RAB37: variants seen among roughly 807,000 people sequenced by gnomAD.
The protein encoded by RAB37 is RAB37, member RAS oncogene family.
In RAB37, 29 loss-of-function variants were observed where a neutral mutation model predicts 33.1. The ratio of observed to expected loss-of-function variants is 0.88; its 90% CI spans 0.65 to 1.20. The LOEUF is 1.20. Among genes scored for constraint, RAB37 ranks in the 50% most tolerant of loss-of-function variants. The pLI is 0.00. For missense variants in RAB37, 299 were observed against 301.1 expected (o/e 0.99, Z 0.05); for synonymous variants, 128 against 119.5 (o/e 1.07, Z -0.47).
chr17:74,739,648 G>A (rs981263895), intron 1 of RAB37, among the ~76,000 whole-genome samples: 5 of 146,894 alleles, frequency 3.4e-5, no homozygotes, highest in Admixed American at 7.0e-5. Context: ...TCCTGTCTCC[G>A]CCTCCCAAGT....
rs577166380 is a variant in RAB37, at chr17:74,745,413, T to A, written c.*2T>A. The A allele has an allele frequency of 1.9e-5, 31 of 1,612,026 alleles. No homozygotes were observed. The South Asian group carries it at 3.1e-4, about 16-fold the overall frequency. On this transcript the variant is annotated 3_prime_UTR_variant, in exon 9 of 9. Transcript: ENST00000392613. This position sits in a 1 kb window ranked among gnomAD's most constrained non-coding sequence, Gnocchi z 4.5. ...TCCAGCTGCTGCTCCTTCATGTGAATCCCAGGGGGCAGAGAGGAGGCTCTG... is the reference window on the plus strand; with the variant it reads ...TCCAGCTGCTGCTCCTTCATGTGAAACCCAGGGGGCAGAGAGGAGGCTCTG...
chr17:74,700,933 T>A (rs1294640172), intron 1 of RAB37, among the ~76,000 whole-genome samples: 6 of 112,294 alleles, frequency 5.3e-5, no homozygotes, highest in African/African-American at 1.5e-4. Flanking sequence ...CAGGCCCTAA[T>A]CCATTATGAC....
chr17:74,700,114 C>T (rs573471221), intron 1 of RAB37, among the ~76,000 whole-genome samples: 138 of 151,788 alleles, frequency 9.1e-4, no homozygotes, highest in African/African-American at 3.0e-3. Context: ...TGCACTCCAG[C>T]CTGGTCGACA....
rs915747637 is a variant in RAB37, at chr17:74,731,421, G to A, written c.183+2055G>A. Among the ~76,000 whole-genome samples, 9 of 152,188 alleles carry A rather than the reference G, an allele frequency of 5.9e-5. 1 individual carries two copies. Among genetic ancestry groups the A allele is most frequent in the Non-Finnish European group, 1.3e-4 (9 of 68,028 alleles). ...CAGAGGTGAGCAGGGTGACTACCTC[G>A]GGCATGCCTTCACCCATAAACTACC... On this transcript the variant is annotated intron_variant, in intron 2 of 7. Coordinates refer to the RAB37 transcript ENST00000340415.
upstream of RAB37, chr17:74,736,939 C>T: frequency 6.6e-7 from 1 of 1,512,600 alleles, no homozygotes; most frequent in Non-Finnish European, 8.8e-7. Context: ...TCTTCCGCAG[C>T]AGACGGGGTC....
intron 2 of RAB37, among the ~76,000 whole-genome samples, chr17:74,731,562 G>A (rs1341853341): frequency 6.6e-6 from 1 of 152,188 alleles, no homozygotes; most frequent in Non-Finnish European, 1.5e-5. Flanking sequence ...TGGGGGTCGT[G>A]CTGATGGGGT....
intron 5 of RAB37, among the ~76,000 whole-genome samples, chr17:74,743,655 G>A (rs920667640): frequency 1.1e-4 from 17 of 152,098 alleles, no homozygotes; most frequent in Non-Finnish European, 2.2e-4. Flanking sequence ...GAGACCAAGG[G>A]AAAAACACAA....
At chr17:74,728,823 CTG>C (rs1321313941) in intron 1 of RAB37, among the ~76,000 whole-genome samples, 3 of 151,164 alleles carry the variant, frequency 2.0e-5, no homozygotes, top group Non-Finnish European at 4.4e-5. Flanking sequence ...ATGTGTTTTT[CTG>C]TGTCTGTATG....
intron 1 of RAB37, among the ~76,000 whole-genome samples, chr17:74,686,340 G>T (rs540885528): frequency 6.6e-6 from 1 of 151,680 alleles, no homozygotes; most frequent in African/African-American, 2.4e-5. Context: ...CAACCCACAC[G>T]CCTCAGCCTC....
intron 1 of RAB37, among the ~76,000 whole-genome samples, chr17:74,740,372 G>A (rs1371189475): frequency 6.6e-6 from 1 of 152,124 alleles, no homozygotes; most frequent in South Asian, 2.1e-4. Flanking sequence ...ACTCACGAGC[G>A]GACGATGGAT....
intron 1 of RAB37, chr17:74,705,456 A>G: frequency 2.0e-6 from 1 of 506,838 alleles, no homozygotes; most frequent in Non-Finnish European, 3.6e-6. Flanking sequence ...AAATTTGTGG[A>G]TTTCCCATTC....
At position 74,744,269 on chromosome 17, in the gene RAB37, G is replaced by A. The variant is rs754121758; in HGVS notation, c.367-39G>A. On this transcript the variant is annotated intron_variant, in intron 5 of 8. Transcript: ENST00000392613. The surrounding 1 kb of genome is among the most constrained non-coding windows in gnomAD (Gnocchi z 4.2). ...GAGCAGAAGAAGAAAGGGGCAGCAGGAGGAAGAGAATGCCAGTCTCGCACG... is the reference window on the plus strand; with the variant it reads ...GAGCAGAAGAAGAAAGGGGCAGCAGAAGGAAGAGAATGCCAGTCTCGCACG... 3 of 1,592,486 alleles carry A rather than the reference G, an allele frequency of 1.9e-6. No homozygotes were observed. The highest frequency in any genetic ancestry group is 2.2e-5 in the East Asian group (1 of 44,716).
intron 1 of RAB37, among the ~76,000 whole-genome samples, chr17:74,712,226 T>C (rs2034014801): frequency 6.6e-6 from 1 of 152,204 alleles, no homozygotes. Flanking sequence ...ATAAAAATTG[T>C]ATGCACCAAC....
Position 74,676,002 on chromosome 17 carries a change from T to A in RAB37, c.72+4344T>A, listed in dbSNP as rs1240769355. ...ACAAAGGAGCAACCTGGCTGCTCTT[T>A]TCCTTAGAGAACTCTCAGTTCTCTC... On this transcript the variant is annotated intron_variant, in intron 1 of 7. Coordinates refer to the RAB37 transcript ENST00000340415. The surrounding 1 kb of genome is among the most constrained non-coding windows in gnomAD (Gnocchi z 4.1). Among the ~76,000 whole-genome samples, 1 of 152,148 alleles carries A rather than the reference T, an allele frequency of 6.6e-6. No homozygotes were observed. Among genetic ancestry groups the A allele is most frequent in the East Asian group, 1.9e-4 (1 of 5,190 alleles).
intron 1 of RAB37, among the ~76,000 whole-genome samples, chr17:74,707,314 A>G (rs2033598377): frequency 6.6e-6 from 1 of 152,252 alleles, no homozygotes; most frequent in Non-Finnish European, 1.5e-5. Flanking sequence ...CTAATTAAAA[A>G]CTGGGCAAGG....
chr17:74,691,897 G>C (rs2032163557), intron 1 of RAB37, among the ~76,000 whole-genome samples: 1 of 139,598 alleles, frequency 7.2e-6, no homozygotes, highest in Non-Finnish European at 1.5e-5. Context: ...ACGGAGTCTT[G>C]CTCTGTCACC....
At chr17:74,720,561 A>C (rs916958442) in intron 1 of RAB37, among the ~76,000 whole-genome samples, 1 of 152,178 alleles carries the variant, frequency 6.6e-6, no homozygotes, top group African/African-American at 2.4e-5. Context: ...ATTACACTCC[A>C]GCCTGTGTGA....
In RAB37 at chr17:74,729,901, A is replaced by G. The variant is rs1307643877; in HGVS notation, c.183+535A>G. 6.6e-6 allele frequency among the ~76,000 whole-genome samples: 1 copy of G among 152,240 alleles called. No individual in the cohort carries two copies. The highest frequency in any genetic ancestry group is 1.5e-5 in the Non-Finnish European group (1 of 68,046). ...AAAGGGACGACAAAGTTTTCAGCACAGTCCAAACTTAGCAGTCACACGGGT... is the reference window on the plus strand; with the variant it reads ...AAAGGGACGACAAAGTTTTCAGCACGGTCCAAACTTAGCAGTCACACGGGT... On this transcript the variant is annotated intron_variant, in intron 2 of 7. Transcript: ENST00000340415. This position sits in a 1 kb window ranked among gnomAD's most constrained non-coding sequence, Gnocchi z 4.2.
intron 1 of RAB37, among the ~76,000 whole-genome samples, chr17:74,727,939 G>C (rs149349757): frequency 8.0e-4 from 122 of 151,990 alleles, no homozygotes; most frequent in African/African-American, 2.8e-3. Flanking sequence ...GCATGTCTGT[G>C]AATGTGTGTG....
Sources: allele counts gnomAD v4.1 joint callset (sites outside exome capture counted in the v4.1 genomes callset), GRCh38; gene constraint gnomAD v4.1.1; non-coding constraint Gnocchi (gnomAD v3.1); transcripts MANE v1.5; gene names NCBI Gene and HGNC (gene_info 2026-07-23, HGNC 2026-07-21).